The following TTC27 variants were observed in gnomAD, a reference collection of about 807,000 sequenced individuals.
The protein encoded by TTC27 is tetratricopeptide repeat protein 27.
TTC27 carries 79 observed loss-of-function variants against 115.9 expected under a neutral mutation model. That is an observed-to-expected ratio of 0.68 (90% CI 0.57 to 0.82). The LOEUF is 0.82. Among genes scored for constraint, TTC27 ranks in the 40% least tolerant of loss-of-function variants. The pLI is 0.00. For synonymous variants in TTC27, 401 were observed against 356.0 expected (o/e 1.13, Z -1.42); for missense variants, 1,054 against 993.1 (o/e 1.06, Z -0.82).
At chr2:32,692,863 C>T (rs1666862312) in intron 9 of TTC27, among the ~76,000 whole-genome samples, 1 of 151,882 alleles carries the variant, frequency 6.6e-6, no homozygotes, top group South Asian at 2.1e-4. Context: ...GTAATCCCAG[C>T]TACTTGGGAG....
intron 12 of TTC27, among the ~76,000 whole-genome samples, chr2:32,757,257 A>G (rs1472981501): frequency 6.6e-6 from 1 of 152,190 alleles, no homozygotes; most frequent in African/African-American, 2.4e-5. Flanking sequence ...CATGCTTTTC[A>G]TTGCCTTTGG....
At chr2:32,635,710 G>C (rs1170194160) in intron 3 of TTC27, among the ~76,000 whole-genome samples, 1 of 151,774 alleles carries the variant, frequency 6.6e-6, no homozygotes, top group African/African-American at 2.4e-5. Flanking sequence ...AAAAGAATTG[G>C]GTGTAGCAAG....
chr2:32,680,661 A>AC (rs1666386694), intron 9 of TTC27, among the ~76,000 whole-genome samples: 1 of 152,132 alleles, frequency 6.6e-6, no homozygotes, highest in African/African-American at 2.4e-5. Flanking sequence ...TGTCTAGGTG[A>AC]TGAATGGTGA....
intron 12 of TTC27, among the ~76,000 whole-genome samples, chr2:32,747,116 G>A (rs554144927): frequency 6.6e-6 from 1 of 152,278 alleles, no homozygotes; most frequent in East Asian, 1.9e-4. Flanking sequence ...CTGATGTTGG[G>A]TAGCAACAAG....
At chr2:32,668,698 C>A (rs371118372) in intron 7 of TTC27, among the ~76,000 whole-genome samples, 1 of 151,792 alleles carries the variant, frequency 6.6e-6, no homozygotes. Context: ...CTGGGATTCA[C>A]CATGTAATAC....
intron 10 of TTC27, among the ~76,000 whole-genome samples, chr2:32,717,862 A>G (rs185031469): frequency 2.0e-5 from 3 of 152,110 alleles, no homozygotes; most frequent in Admixed American, 6.5e-5. Flanking sequence ...AAATTTGACC[A>G]TGGGCTCTGG....
At chr2:32,677,336 A>G (rs1055425438) in intron 8 of TTC27, among the ~76,000 whole-genome samples, 3 of 151,698 alleles carry the variant, frequency 2.0e-5, no homozygotes, top group African/African-American at 4.8e-5. Flanking sequence ...TGCTATGGAT[A>G]TTTATGTATC....
chr2:32,743,314 A>G (rs1173876224), intron 12 of TTC27, among the ~76,000 whole-genome samples: 2 of 152,200 alleles, frequency 1.3e-5, no homozygotes, highest in Non-Finnish European at 2.9e-5. Flanking sequence ...TCACTCAAGT[A>G]TGAATAACTT....
chr2:32,663,445 C>G (rs4381819), intron 5 of TTC27, among the ~76,000 whole-genome samples: 99 of 152,302 alleles, frequency 6.5e-4, no homozygotes, highest in African/African-American at 2.3e-3. Context: ...ACCCCTTGTG[C>G]TTCCCGGGTG....
At chr2:32,776,870 A>G (rs1002471877) in intron 13 of TTC27, among the ~76,000 whole-genome samples, 3 of 152,216 alleles carry the variant, frequency 2.0e-5, no homozygotes, top group Non-Finnish European at 4.4e-5. Context: ...TCGGCCTCCC[A>G]AAGTGCCGGG....
At chr2:32,805,094 A>G (rs533654626) in intron 16 of TTC27, among the ~76,000 whole-genome samples, 3 of 152,352 alleles carry the variant, frequency 2.0e-5, no homozygotes, top group African/African-American at 7.2e-5. Context: ...CAAATGCTTG[A>G]TAACAGGATC....
At chr2:32,801,309 G>A (rs1246099770) in intron 16 of TTC27, among the ~76,000 whole-genome samples, 1 of 152,180 alleles carries the variant, frequency 6.6e-6, no homozygotes, top group Non-Finnish European at 1.5e-5. Flanking sequence ...CGAAATCAAG[G>A]TGTTGACTTG....
chr2:32,755,187 C>A (rs929442471), intron 12 of TTC27, among the ~76,000 whole-genome samples: 1 of 152,122 alleles, frequency 6.6e-6, no homozygotes. Flanking sequence ...GGGTGGCGGC[C>A]GGGCAGAGGC....
chr2:32,791,205 G>C (rs1414896167), intron 16 of TTC27, among the ~76,000 whole-genome samples: 1 of 152,138 alleles, frequency 6.6e-6, no homozygotes, highest in Non-Finnish European at 1.5e-5. Flanking sequence ...TATCCTTGCA[G>C]ACGAATCCTC....
At chr2:32,792,124 T>G (rs1670557929) in intron 16 of TTC27, among the ~76,000 whole-genome samples, 1 of 152,200 alleles carries the variant, frequency 6.6e-6, no homozygotes, top group Non-Finnish European at 1.5e-5. Context: ...AATCATACAG[T>G]ATGTATTCTT....
intron 3 of TTC27, among the ~76,000 whole-genome samples, chr2:32,639,070 G>A (rs1415058780): frequency 6.6e-6 from 1 of 151,738 alleles, no homozygotes; most frequent in Non-Finnish European, 1.5e-5. Flanking sequence ...CTGACCTCGT[G>A]ATCCGCCCGC....
intron 13 of TTC27, among the ~76,000 whole-genome samples, chr2:32,776,469 C>T (rs1288823390): frequency 1.3e-5 from 2 of 152,104 alleles, no homozygotes; most frequent in Non-Finnish European, 2.9e-5. Flanking sequence ...TGGCTCAGTG[C>T]CTTTCTGGAA....
At chr2:32,708,134 C>T (rs1667440915) in intron 10 of TTC27, among the ~76,000 whole-genome samples, 1 of 151,986 alleles carries the variant, frequency 6.6e-6, no homozygotes, top group Non-Finnish European at 1.5e-5. Flanking sequence ...TCTTTTGCCT[C>T]TGCCATCCAT....
At chr2:32,782,786 C>T (rs1572609427) in intron 15 of TTC27, 108 bp downstream of exon 15, 1 of 841,910 alleles carries the variant, frequency 1.2e-6, no homozygotes, top group East Asian at 2.6e-5. Flanking sequence ...CCTTTCTCGC[C>T]CATGTATATG....
Sources: allele counts gnomAD v4.1 joint callset (sites outside exome capture counted in the v4.1 genomes callset), GRCh38; gene constraint gnomAD v4.1.1; transcripts MANE v1.5; gene names NCBI Gene and HGNC (gene_info 2026-07-23, HGNC 2026-07-21).